DCAF1: variants seen among roughly 807,000 people sequenced by gnomAD.
DCAF1 encodes DDB1- and CUL4-associated factor 1.
Under a neutral mutation model 128.0 loss-of-function variants are expected in DCAF1, and 15 were observed. The ratio of observed to expected loss-of-function variants is 0.12; its 90% CI spans 0.08 to 0.18. The LOEUF (loss-of-function observed/expected upper bound fraction) is 0.18. DCAF1 is among the 10% of genes least tolerant of loss of function. The pLI is 1.00. For missense variants in DCAF1, 988 were observed against 1,649.5 expected, an observed-to-expected ratio of 0.60 and a Z score of 6.95; for synonymous variants, 610 against 603.0, an observed-to-expected ratio of 1.01 and a Z score of -0.17.
chr3:51,401,134 A>G (rs2089664579), intron 24 of DCAF1, among the ~76,000 whole-genome samples: 1 of 117,830 alleles, frequency 8.5e-6, no homozygotes, highest in Non-Finnish European at 1.6e-5. Flanking sequence ...TCCATCTCAA[A>G]AAAAAAAAAA....
rs1470075657 is a variant in DCAF1, at chr3:51,496,722, C to T, written c.-9+12G>A. Among the ~76,000 whole-genome samples the T allele has an allele frequency of 6.6e-6, 1 of 152,102 alleles. No homozygotes were observed. Among genetic ancestry groups the T allele is most frequent in the African/African-American group, 2.4e-5 (1 of 41,426 alleles). ...GGTTTCAAGGATTCAAATCCCAACT[C>T]TGCTGACATACCTGTGAAGTCTTGG... On this transcript the variant is annotated intron_variant, in intron 2 of 24. Transcript: ENST00000684031.
At position 51,404,393 on chromosome 3, in the gene DCAF1, A is replaced by C. The variant is rs182119374; in HGVS notation, c.4213-998T>G. On this transcript the variant is annotated intron_variant, in intron 23 of 24. Transcript: ENST00000684031. ...GGAATAAGCCCAACGTAAGCACAAA[A>C]AAATTTTTTTTGTTCTTATTATTTT... Among the ~76,000 whole-genome samples the C allele has an allele frequency of 2.9e-4, 44 of 152,294 alleles. 1 individual carries two copies. The highest frequency in any genetic ancestry group is 1.1e-3 in the African/African-American group (44 of 41,548).
intron 2 of DCAF1, among the ~76,000 whole-genome samples, chr3:51,492,201 A>C (rs188733231): frequency 2.2e-4 from 34 of 152,220 alleles, no homozygotes; most frequent in Non-Finnish European, 4.1e-4. Flanking sequence ...TTATCCCACA[A>C]AACAGCGAAG....
chr3:51,452,684 G>A (rs1236008607), intron 6 of DCAF1, among the ~76,000 whole-genome samples: 2 of 151,988 alleles, frequency 1.3e-5, no homozygotes, highest in African/African-American at 4.8e-5. Context: ...TTCCTACAAG[G>A]ACAACATGGA....
At chr3:51,488,717 C>T (rs1353434697) in intron 2 of DCAF1, among the ~76,000 whole-genome samples, 1 of 152,036 alleles carries the variant, frequency 6.6e-6, no homozygotes, top group Non-Finnish European at 1.5e-5. Flanking sequence ...GCAGGAGAAT[C>T]GCTTGAACAC....
At chr3:51,441,284 A>G (rs1553638603) in intron 8 of DCAF1, 101 bp downstream of exon 8, 1 of 1,399,820 alleles carries the variant, frequency 7.1e-7, no homozygotes, top group Non-Finnish European at 9.5e-7. Context: ...TGTTTGTGGT[A>G]GAGTTAGAAT....
intron 24 of DCAF1, 63 bp from the exon 25 acceptor site, chr3:51,398,890 G>A (rs1239602567): frequency 6.5e-6 from 10 of 1,541,780 alleles, no homozygotes; most frequent in Non-Finnish European, 8.8e-6. Context: ...CTTTCCTACA[G>A]AAGCACCTGC....
At chr3:51,470,018 C>T (rs1704561235) in intron 4 of DCAF1, among the ~76,000 whole-genome samples, 1 of 151,548 alleles carries the variant, frequency 6.6e-6, no homozygotes, top group African/African-American at 2.4e-5. Flanking sequence ...AAGATGCCAT[C>T]TCAAAAAAAA....
chr3:51,427,360 C>A lies in DCAF1; in HGVS notation c.1847+12G>T. The A allele has an allele frequency of 1.4e-6, 1 of 698,912 alleles. No homozygotes were observed. Among genetic ancestry groups the A allele is most frequent in the South Asian group, 1.6e-5 (1 of 61,940 alleles). The allele number at this position is 698,912 out of a possible 1,614,324, so 43.3% of individuals were successfully genotyped here. Reference sequence around the variant, plus strand: ...GCATCAAACTTCATTTGAAATCTCTCTCTGGTCCCACCTTGCATAATAGGT... The same window carrying A: ...GCATCAAACTTCATTTGAAATCTCTATCTGGTCCCACCTTGCATAATAGGT... On this transcript the variant is annotated intron_variant, in intron 13 of 24. Transcript: ENST00000684031.
chr3:51,408,500 T>C (rs1553627396), intron 23 of DCAF1, among the ~76,000 whole-genome samples: 1 of 152,172 alleles, frequency 6.6e-6, no homozygotes, highest in Non-Finnish European at 1.5e-5. Context: ...AAGTCTCTAG[T>C]TTTAAAATCA....
chr3:51,496,541 C>T (rs1451574155), intron 2 of DCAF1, among the ~76,000 whole-genome samples, 193 bp downstream of exon 2: 2 of 151,446 alleles, frequency 1.3e-5, no homozygotes, highest in Non-Finnish European at 2.9e-5. Context: ...ACGGTAGTTA[C>T]CAATTAGTGA....
upstream of DCAF1, among the ~76,000 whole-genome samples, chr3:51,503,214 G>A (rs147316939): frequency 2.0e-5 from 3 of 152,184 alleles, no homozygotes; most frequent in East Asian, 3.9e-4. Flanking sequence ...TGCTTTGGGG[G>A]CTGCCCAGCA....
At chr3:51,396,398 A>G (rs1395895411), downstream of DCAF1, 1 of 167,380 alleles carries the variant, frequency 6.0e-6, no homozygotes, top group African/African-American at 2.4e-5. Flanking sequence ...TTGGCTCTTA[A>G]GACCTAGCAG....
Position 51,485,716 on chromosome 3 carries a change from T to C in DCAF1, c.-8-1880A>G, listed in dbSNP as rs577279389. Reference sequence around the variant, plus strand: ...AAAGAAATACATGTAAAAGATGATATCATTATTGCATTGCATTATTGCATT... The same window carrying C: ...AAAGAAATACATGTAAAAGATGATACCATTATTGCATTGCATTATTGCATT... On this transcript the variant is annotated intron_variant, in intron 2 of 24. Transcript: ENST00000684031. Among the ~76,000 whole-genome samples the C allele has an allele frequency of 3.3e-5, 5 of 152,302 alleles. No homozygotes were observed. The South Asian group carries it at 1.0e-3, about 32-fold the overall frequency.
chr3:51,490,976 G>A (rs561849010), intron 2 of DCAF1, among the ~76,000 whole-genome samples: 2 of 150,978 alleles, frequency 1.3e-5, no homozygotes, highest in East Asian at 3.9e-4. Context: ...TTGCAGAAAT[G>A]GACATGCTGA....
Position 51,499,595 on chromosome 3 carries a change from C to A in DCAF1, c.-56+278G>T, listed in dbSNP as rs1342293386. Reference sequence around the variant, plus strand: ...GTAGGGGCGGACACACCCCGCCCCCCCACTCCGGGCGGAAGAGTTACTCTC... The same window carrying A: ...GTAGGGGCGGACACACCCCGCCCCCACACTCCGGGCGGAAGAGTTACTCTC... On this transcript the variant is annotated intron_variant, in intron 1 of 24. Transcript: ENST00000684031. Among the ~76,000 whole-genome samples, 3 of 151,654 alleles carry A rather than the reference C, an allele frequency of 2.0e-5. No homozygotes were observed. In the South Asian group the frequency reaches 6.2e-4, roughly 32 times the overall value.
chr3:51,421,543 C>T (rs782559750), intron 14 of DCAF1, among the ~76,000 whole-genome samples: 2 of 152,304 alleles, frequency 1.3e-5, no homozygotes, highest in Middle Eastern at 3.4e-3. Flanking sequence ...AGGTGTGAGC[C>T]ACTGTGCTCG....
intron 24 of DCAF1, 55 bp downstream of exon 24, chr3:51,403,088 G>A (rs2106862357): frequency 1.0e-5 from 16 of 1,542,170 alleles, no homozygotes; most frequent in East Asian, 9.2e-5. Flanking sequence ...GGGCACAAAA[G>A]AAGGGATCTT....
chr3:51,453,216 C>T (rs782066774), intron 6 of DCAF1, among the ~76,000 whole-genome samples: 16 of 152,066 alleles, frequency 1.1e-4, no homozygotes, highest in Non-Finnish European at 1.9e-4. Context: ...TTAATCACAA[C>T]GTTATTCTCT....
Sources: allele counts gnomAD v4.1 joint callset (sites outside exome capture counted in the v4.1 genomes callset), GRCh38; gene constraint gnomAD v4.1.1; transcripts MANE v1.5; gene names NCBI Gene and HGNC (gene_info 2026-07-23, HGNC 2026-07-21).